Variants in RSF1 observed in about 807,000 individuals in gnomAD.
The protein encoded by RSF1 is remodeling and spacing factor 1, also known as HBV pX-associated protein 8.
Under a neutral mutation model 145.2 loss-of-function variants are expected in RSF1, and 13 were observed. That is an observed-to-expected ratio of 0.09 (90% CI 0.06 to 0.14). The LOEUF (loss-of-function observed/expected upper bound fraction) is 0.14. Among genes scored for constraint, RSF1 ranks in the 10% least tolerant of loss-of-function variants. RSF1 has a pLI of 1.00. For missense variants in RSF1, 1,517 were observed against 1,718.2 expected (o/e 0.88, Z 2.07); for synonymous variants, 577 against 592.6 (o/e 0.97, Z 0.38).
At chr11:77,714,506 T>C (rs916990324) in intron 5 of RSF1, among the ~76,000 whole-genome samples, 1 of 152,206 alleles carries the variant, frequency 6.6e-6, no homozygotes, top group African/African-American at 2.4e-5. Flanking sequence ...TCTTCCTTGC[T>C]TCCTTCCTTC....
intron 1 of RSF1, among the ~76,000 whole-genome samples, chr11:77,797,142 A>G (rs992116136): frequency 6.6e-6 from 1 of 152,256 alleles, no homozygotes; most frequent in African/African-American, 2.4e-5. Flanking sequence ...CTTTCTTCAC[A>G]GAATTGGAAA....
At chr11:77,792,700 C>T (rs944451442) in intron 1 of RSF1, among the ~76,000 whole-genome samples, 10 of 151,022 alleles carry the variant, frequency 6.6e-5, no homozygotes, top group African/African-American at 2.0e-4. Context: ...GAAACTTTAC[C>T]GGCCAGGAGA....
At chr11:77,785,284 A>C (rs1302463939) in intron 1 of RSF1, among the ~76,000 whole-genome samples, 2 of 152,324 alleles carry the variant, frequency 1.3e-5, no homozygotes, top group East Asian at 3.9e-4. Context: ...TCCAGAGAGA[A>C]TTCTCAATTT....
intron 1 of RSF1, among the ~76,000 whole-genome samples, chr11:77,796,204 C>T (rs1055862928): frequency 1.3e-5 from 2 of 151,830 alleles, no homozygotes; most frequent in Admixed American, 1.3e-4. Flanking sequence ...AGAGACACAA[C>T]AAAAAAAGAA....
intron 7 of RSF1, among the ~76,000 whole-genome samples, chr11:77,697,892 T>C (rs1960321400): frequency 6.6e-6 from 1 of 152,196 alleles, no homozygotes; most frequent in Non-Finnish European, 1.5e-5. Context: ...TTTAAAGCCC[T>C]ACTACATTAT....
At chr11:77,868,020 C>CT in the RSF1 span, among the ~76,000 whole-genome samples, 4 of 150,152 alleles carry the variant, frequency 2.7e-5, no homozygotes, top group African/African-American at 7.3e-5. Flanking sequence ...GTTGTACTGA[C>CT]TTTAACTGTT....
chr11:77,799,609 C>T (rs957911449), intron 1 of RSF1, among the ~76,000 whole-genome samples: 1 of 151,874 alleles, frequency 6.6e-6, no homozygotes, highest in Non-Finnish European at 1.5e-5. Context: ...AAATCTTGTC[C>T]TTTCAAATTT....
intron 1 of RSF1, among the ~76,000 whole-genome samples, chr11:77,798,827 T>C (rs1948598807): frequency 1.3e-5 from 2 of 150,706 alleles, no homozygotes; most frequent in Non-Finnish European, 3.0e-5. Flanking sequence ...ACAACAGGGC[T>C]TGTCGGGAGG....
chr11:77,848,495 T>G, the RSF1 span, among the ~76,000 whole-genome samples: 1 of 151,876 alleles, frequency 6.6e-6, no homozygotes, highest in Non-Finnish European at 1.5e-5. Flanking sequence ...GTAGCTGGGA[T>G]TACAGGCACC....
rs556503431 is a variant in RSF1, at chr11:77,677,690, C to T, written c.3133+396G>A. The stretch of plus-strand genomic sequence containing the variant: ...TACTAAAGACTATGAAATTAAGAAA[C>T]CAATTTTTAATAGGTTAACTTAAAA... On this transcript the variant is annotated intron_variant, in intron 12 of 15. Coordinates refer to ENST00000308488, the MANE Select transcript of RSF1 (RefSeq NM_016578.4). 2.7e-3 allele frequency among the ~76,000 whole-genome samples: 409 copies of T among 152,198 alleles called. 3 individuals are homozygous for T. The highest frequency in any genetic ancestry group is 3.2e-3 in the Non-Finnish European group (219 of 68,010).
At chr11:77,721,451 T>A (rs771060048) in intron 5 of RSF1, among the ~76,000 whole-genome samples, 2 of 152,198 alleles carry the variant, frequency 1.3e-5, no homozygotes, top group Non-Finnish European at 2.9e-5. Context: ...AAATTATATG[T>A]AAGTGCAGCA....
the RSF1 span, among the ~76,000 whole-genome samples, chr11:77,854,325 C>T: frequency 1.3e-5 from 2 of 152,130 alleles, no homozygotes; most frequent in Non-Finnish European, 2.9e-5. Flanking sequence ...CCAGCATTAA[C>T]TGAAAAGTCC....
chr11:77,697,265 T>C (rs538110496), intron 7 of RSF1, among the ~76,000 whole-genome samples: 1 of 151,936 alleles, frequency 6.6e-6, no homozygotes, highest in East Asian at 1.9e-4. Context: ...ATCTCAAATG[T>C]TTCTGGTCCA....
At chr11:77,819,657 C>T (rs1948824532) in intron 1 of RSF1, among the ~76,000 whole-genome samples, 2 of 152,314 alleles carry the variant, frequency 1.3e-5, no homozygotes, top group Middle Eastern at 3.4e-3. Context: ...ATACTAACCA[C>T]CCCACCCTAC....
intron 1 of RSF1, among the ~76,000 whole-genome samples, chr11:77,778,948 T>C (rs1948375720): frequency 6.6e-6 from 1 of 152,204 alleles, no homozygotes; most frequent in Admixed American, 6.5e-5. Context: ...TATCTTTTCA[T>C]TCATTCATTT....
intron 5 of RSF1, among the ~76,000 whole-genome samples, chr11:77,711,646 G>A (rs184073922): frequency 6.6e-6 from 1 of 151,848 alleles, no homozygotes; most frequent in African/African-American, 2.4e-5. Flanking sequence ...CTCCAGCCCG[G>A]CAAGAAGAGC....
chr11:77,664,846 C>T lies in RSF1; in HGVS notation c.*2071G>A, dbSNP rs1045123053. The T allele has an allele frequency of 6.6e-6, 1 of 152,244 alleles. No individual in the cohort carries two copies. The highest frequency in any genetic ancestry group is 2.1e-4 in the South Asian group (1 of 4,832). The allele number at this position is 152,244 out of a possible 1,614,324, so 9.4% of individuals were successfully genotyped here. A position where few individuals can be genotyped will look rare whatever the true frequency, so the allele number is the denominator to read the frequency against. On this transcript the variant is annotated 3_prime_UTR_variant, in exon 16 of 16. Transcript: ENST00000308488. ...TAAGTAAATGTAGCTCCTTACACAG[C>T]CCTGCTTTACTGTCTGTGAATGTAA...
the RSF1 span, among the ~76,000 whole-genome samples, chr11:77,836,688 G>T: frequency 1.1e-4 from 17 of 152,290 alleles, no homozygotes; most frequent in African/African-American, 3.6e-4. Flanking sequence ...CCCTGTGGCC[G>T]GGCGCAGCGG....
chr11:77,813,747 C>T (rs1342355970), intron 1 of RSF1: 6 of 312,924 alleles, frequency 1.9e-5, no homozygotes, highest in Non-Finnish European at 3.8e-5. Flanking sequence ...GGAGCAGGAG[C>T]CTGCGGATCA....
Sources: allele counts gnomAD v4.1 joint callset (sites outside exome capture counted in the v4.1 genomes callset), GRCh38; gene constraint gnomAD v4.1.1; transcripts MANE v1.5; gene names NCBI Gene and HGNC (gene_info 2026-07-23, HGNC 2026-07-21).